Variants in IMMP2L observed in about 807,000 individuals in gnomAD.
IMMP2L encodes the protein mitochondrial inner membrane protease subunit 2.
IMMP2L carries 18 observed loss-of-function variants against 19.3 expected under a neutral mutation model. The observed-to-expected ratio is 0.93, with a 90% CI of 0.64 to 1.38. The LOEUF (loss-of-function observed/expected upper bound fraction) is 1.38. IMMP2L is among the 40% of genes most tolerant of loss of function. IMMP2L has a pLI of 0.00. For synonymous variants in IMMP2L, 76 were observed against 73.0 expected (o/e 1.04, Z -0.21); for missense variants, 233 against 218.2 (o/e 1.07, Z -0.43).
At chr7:111,442,726 TATA>T (rs1464893629) in intron 3 of IMMP2L, among the ~76,000 whole-genome samples, 10 of 151,902 alleles carry the variant, frequency 6.6e-5, no homozygotes, top group Non-Finnish European at 4.4e-5. Context: ...CACATGATAC[TATA>T]ATGTTAAATA....
intron 5 of IMMP2L, among the ~76,000 whole-genome samples, chr7:110,765,948 T>A (rs1798629293): frequency 6.6e-6 from 1 of 152,188 alleles, no homozygotes; most frequent in Non-Finnish European, 1.5e-5. Flanking sequence ...TCCTATTTTT[T>A]AAAAATATAC....
chr7:111,138,167 C>A (rs1178974149), intron 3 of IMMP2L, among the ~76,000 whole-genome samples: 2 of 152,032 alleles, frequency 1.3e-5, no homozygotes, highest in Non-Finnish European at 2.9e-5. Flanking sequence ...CTTTAAAATA[C>A]AAAAAGGTAC....
intron 3 of IMMP2L, among the ~76,000 whole-genome samples, chr7:111,356,915 T>G (rs886813086): frequency 3.3e-5 from 5 of 150,306 alleles, no homozygotes; most frequent in Non-Finnish European, 7.4e-5. Context: ...TAATTCCAAC[T>G]ACTCAGGAGG....
rs60899823 is a variant in IMMP2L at position 111,224,377 on chromosome 7, T to A, written c.240-260812A>T. On this transcript the variant is annotated intron_variant, in intron 3 of 5. Transcript: ENST00000405709. ...GATGGTTTGTACATGTGTGAGTCTA[T>A]CTGTCACAGGAAAATTTCCATGAAA... Among the ~76,000 whole-genome samples the A allele has an allele frequency of 2.0e-3, 303 of 152,276 alleles. 2 individuals are homozygous for A. The highest frequency in any genetic ancestry group is 7.0e-3 in the African/African-American group (293 of 41,562).
At chr7:111,270,025 T>C (rs1818275629) in intron 3 of IMMP2L, among the ~76,000 whole-genome samples, 1 of 151,332 alleles carries the variant, frequency 6.6e-6, no homozygotes, top group African/African-American at 2.4e-5. Flanking sequence ...ATTCCTATTG[T>C]ACCATCTTTG....
chr7:110,811,493 GGAACAGGT>G (rs1400623616), intron 5 of IMMP2L, among the ~76,000 whole-genome samples: 1 of 151,944 alleles, frequency 6.6e-6, no homozygotes. Flanking sequence ...CAATGCAGCT[GGAACAGGT>G]GAAGGTAAGT....
At chr7:111,218,458 G>GTT (rs35926057) in intron 3 of IMMP2L, among the ~76,000 whole-genome samples, 45 of 149,850 alleles carry the variant, frequency 3.0e-4, no homozygotes, top group Non-Finnish European at 3.6e-4. Flanking sequence ...AGTTTTATCA[G>GTT]TTTTTTTTTT....
chr7:111,013,470 G>T (rs1825188166), intron 3 of IMMP2L, among the ~76,000 whole-genome samples: 1 of 152,098 alleles, frequency 6.6e-6, no homozygotes, highest in Non-Finnish European at 1.5e-5. Flanking sequence ...TGACTGCCTG[G>T]ATGGGAGGTG....
chr7:111,392,437 C>A (rs74665181), intron 3 of IMMP2L, among the ~76,000 whole-genome samples: 2,481 of 152,206 alleles, frequency 0.016, 66 homozygotes, highest in African/African-American at 0.057. Flanking sequence ...AACACACTTC[C>A]CATCAACCTA....
Position 111,266,273 on chromosome 7 carries a change from T to C in IMMP2L, c.239+220965A>G, listed in dbSNP as rs536638873. On this transcript the variant is annotated intron_variant, in intron 3 of 5. Transcript: ENST00000405709. Reference sequence around the variant, plus strand: ...AAAGAAACCAGGGAGCCAGGCACGGTGGCTCACACCTGTAATCCCAGCACT... The same window carrying C: ...AAAGAAACCAGGGAGCCAGGCACGGCGGCTCACACCTGTAATCCCAGCACT... Among the ~76,000 whole-genome samples the C allele has an allele frequency of 9.6e-4, 146 of 152,212 alleles. 2 individuals carry two copies. The highest frequency in any genetic ancestry group is 3.4e-3 in the Middle Eastern group (1 of 294).
intron 4 of IMMP2L, among the ~76,000 whole-genome samples, chr7:110,959,545 A>C (rs768073550): frequency 2.0e-5 from 3 of 151,994 alleles, no homozygotes; most frequent in Non-Finnish European, 4.4e-5. Context: ...TATAAAATCC[A>C]GGAAGCCAAG....
intron 4 of IMMP2L, among the ~76,000 whole-genome samples, chr7:110,891,417 T>C (rs987464610): frequency 2.6e-5 from 4 of 152,214 alleles, no homozygotes; most frequent in Non-Finnish European, 4.4e-5. Context: ...GAATCAACTT[T>C]AATTGGCCCC....
intron 3 of IMMP2L, among the ~76,000 whole-genome samples, chr7:111,279,175 G>A (rs969478540): frequency 3.3e-5 from 5 of 152,220 alleles, no homozygotes; most frequent in East Asian, 1.9e-4. Context: ...TAAGGTTTAC[G>A]CCAGATTTTC....
At chr7:111,328,816 TACTA>T (rs1825594713) in intron 3 of IMMP2L, among the ~76,000 whole-genome samples, 1 of 151,850 alleles carries the variant, frequency 6.6e-6, no homozygotes, top group Non-Finnish European at 1.5e-5. Flanking sequence ...CCCTTGGACT[TACTA>T]AACATACATA....
At chr7:111,168,725 C>T (rs548443718) in intron 3 of IMMP2L, among the ~76,000 whole-genome samples, 1 of 151,994 alleles carries the variant, frequency 6.6e-6, no homozygotes, top group South Asian at 2.1e-4. Context: ...TATCCCTTCC[C>T]TACATTCTTT....
chr7:110,963,933 C>A (rs1008892885), intron 3 of IMMP2L, among the ~76,000 whole-genome samples: 1 of 150,466 alleles, frequency 6.6e-6, no homozygotes, highest in Non-Finnish European at 1.5e-5. Flanking sequence ...GAATTGTAAT[C>A]CCCATGTGTA....
chr7:110,946,463 C>T (rs1423829730), intron 4 of IMMP2L, among the ~76,000 whole-genome samples: 2 of 152,100 alleles, frequency 1.3e-5, no homozygotes, highest in Non-Finnish European at 2.9e-5. Flanking sequence ...TTAATATTAA[C>T]TCACTAATAA....
intron 5 of IMMP2L, among the ~76,000 whole-genome samples, chr7:110,871,252 A>AT (rs1445404227): frequency 6.6e-6 from 1 of 152,130 alleles, no homozygotes; most frequent in Non-Finnish European, 1.5e-5. Flanking sequence ...TTTCTTGAAC[A>AT]TCCAAGTGTG....
chr7:111,553,345 G>A (rs1001445409), intron 1 of IMMP2L, among the ~76,000 whole-genome samples: 2 of 152,156 alleles, frequency 1.3e-5, no homozygotes, highest in Admixed American at 6.5e-5. Context: ...ATTCCTACAC[G>A]ATTATATGAC....
Sources: gnomAD v4.1 joint callset for allele counts (sites outside exome capture counted in the v4.1 genomes callset) on GRCh38, gnomAD v4.1.1 for gene constraint, MANE v1.5 for transcripts, NCBI Gene and HGNC (gene_info 2026-07-23, HGNC 2026-07-21) for gene names.